KIAA0753: variants seen among roughly 807,000 people sequenced by gnomAD.
The protein encoded by KIAA0753 is KIAA0753, also known as protein moonraker.
KIAA0753 carries 114 observed loss-of-function variants against 116.9 expected under a neutral mutation model. The observed-to-expected ratio is 0.98, with a 90% CI of 0.84 to 1.14. The LOEUF is 1.14. KIAA0753 is among the 50% of genes most tolerant of loss of function. KIAA0753 has a pLI of 0.00. For synonymous variants in KIAA0753, 405 were observed against 413.1 expected (o/e 0.98, Z 0.24); for missense variants, 1,156 against 1,172.4 (o/e 0.99, Z 0.20).
intron 18 of KIAA0753, among the ~76,000 whole-genome samples, chr17:6,580,564 C>T (rs576694800): frequency 5.5e-4 from 83 of 152,198 alleles, no homozygotes; most frequent in African/African-American, 1.9e-3. Flanking sequence ...GATCCGCCTG[C>T]CTTGGCCTCC....
chr17:6,624,538 A>C (rs1444547446), intron 4 of KIAA0753, among the ~76,000 whole-genome samples: 1 of 132,442 alleles, frequency 7.6e-6, no homozygotes, highest in Non-Finnish European at 1.7e-5. Context: ...GTTTGGCGCC[A>C]CACACACACA....
intron 7 of KIAA0753, among the ~76,000 whole-genome samples, chr17:6,619,669 C>T (rs1447011540): frequency 6.6e-6 from 1 of 152,192 alleles, no homozygotes; most frequent in Non-Finnish European, 1.5e-5. Context: ...TCAAGCAATA[C>T]ACCTGCCTTG....
At chr17:6,580,751 G>A (rs1247637818) in intron 18 of KIAA0753, among the ~76,000 whole-genome samples, 1 of 152,126 alleles carries the variant, frequency 6.6e-6, no homozygotes, top group African/African-American at 2.4e-5. Context: ...TCCTCAATGT[G>A]TTTGAAACCA....
At chr17:6,638,995 C>G (rs1367645766) in intron 1 of KIAA0753, 1 of 153,136 alleles carries the variant, frequency 6.5e-6, no homozygotes, top group East Asian at 1.9e-4. Context: ...TGTCTCCACC[C>G]ACACAGGCTG....
rs553430387 is a variant in KIAA0753 at position 6,624,371 on chromosome 17, T to C, written c.825+384A>G. On this transcript the variant is annotated intron_variant, in intron 4 of 18. Transcript: ENST00000361413. ...CCCTTTCCTCTAAGACTGGGGTCCA[T>C]AGCTAGGACCAAGGGTTCAGGGTAA... 3.9e-5 allele frequency among the ~76,000 whole-genome samples: 6 copies of C among 152,218 alleles called. No individual in the cohort carries two copies. The South Asian group carries it at 1.2e-3, about 32-fold the overall frequency.
Position 6,608,467 on chromosome 17 carries a change from G to A in KIAA0753, c.1713-3C>T, listed in dbSNP as rs1435382461. 5 of 1,455,964 alleles carry A rather than the reference G, an allele frequency of 3.4e-6. No individual in the cohort carries two copies. Among genetic ancestry groups the A allele is most frequent in the Non-Finnish European group, 4.6e-6 (5 of 1,077,826 alleles). 90.2% of individuals were successfully genotyped at this position (1,455,964 alleles called of 1,614,324 possible). On this transcript the variant is annotated splice_polypyrimidine_tract_variant and splice_region_variant and intron_variant, in intron 9 of 18. Coordinates refer to ENST00000361413, the MANE Select transcript of KIAA0753 (RefSeq NM_014804.3). Reference sequence around the variant, plus strand: ...TTTTCACCTTTAGCCATGCAGCACTGAAATAAATGGAAAAGCATACCTTTG... The same window carrying A: ...TTTTCACCTTTAGCCATGCAGCACTAAAATAAATGGAAAAGCATACCTTTG...
intron 7 of KIAA0753, 45 bp downstream of exon 7, chr17:6,620,743 T>C (rs753012992): frequency 1.3e-6 from 2 of 1,579,560 alleles, no homozygotes; most frequent in African/African-American, 2.7e-5. Context: ...CCCAGATAAT[T>C]GTAATGAATA....
chr17:6,626,727 G>A (rs1213487540), intron 3 of KIAA0753, among the ~76,000 whole-genome samples: 1 of 152,220 alleles, frequency 6.6e-6, no homozygotes, highest in African/African-American at 2.4e-5. Context: ...TGTTTCCATA[G>A]CAGTTTGCCG....
intron 14 of KIAA0753, among the ~76,000 whole-genome samples, chr17:6,598,150 C>T (rs1382126257): frequency 6.6e-6 from 1 of 152,122 alleles, no homozygotes; most frequent in African/African-American, 2.4e-5. Context: ...TTCATAATCA[C>T]TTCATTTTCC....
chr17:6,583,503 C>A (rs1341672266), intron 18 of KIAA0753, among the ~76,000 whole-genome samples: 1 of 152,072 alleles, frequency 6.6e-6, no homozygotes, highest in Non-Finnish European at 1.5e-5. Flanking sequence ...TTCTTACCTC[C>A]TCTATGTCCC....
chr17:6,596,382 T>G, intron 14 of KIAA0753, 39 bp from the exon 15 acceptor site: 5 of 1,267,180 alleles, frequency 3.9e-6, no homozygotes, highest in Admixed American at 2.0e-5. Flanking sequence ...AGGCATGGGG[T>G]GGATTAGGGG....
intron 15 of KIAA0753, among the ~76,000 whole-genome samples, chr17:6,595,872 C>T (rs192516841): frequency 2.0e-5 from 3 of 152,300 alleles, no homozygotes; most frequent in South Asian, 2.1e-4. Context: ...TCAGGGTCTT[C>T]GGAATTACAC....
intron 2 of KIAA0753, among the ~76,000 whole-genome samples, chr17:6,629,154 CTGA>C (rs1971869568): frequency 6.6e-6 from 1 of 152,240 alleles, no homozygotes; most frequent in Non-Finnish European, 1.5e-5. Flanking sequence ...TCCAAGCCAT[CTGA>C]TAGTACTTCT....
At chr17:6,580,074 TACTC>T (rs1197927200) in intron 18 of KIAA0753, among the ~76,000 whole-genome samples, 1 of 151,794 alleles carries the variant, frequency 6.6e-6, no homozygotes, top group African/African-American at 2.4e-5. Context: ...TAAACCCTGT[TACTC>T]AGGAGGCTGA....
rs1299396313 is a variant in KIAA0753, at chr17:6,622,655, C to T, written c.1104+227G>A. ...TAATGAACCTGGTTTAAAGTTGTTA[C>T]ATGTTTTATATTCAAGTTACCAATT... On this transcript the variant is annotated intron_variant, in intron 6 of 18. Transcript: ENST00000361413. Among the ~76,000 whole-genome samples the T allele has an allele frequency of 4.6e-5, 7 of 152,226 alleles. No homozygotes were observed. The East Asian group carries it at 1.3e-3, about 29-fold the overall frequency.
chr17:6,600,506 C>T (rs1969794275), intron 12 of KIAA0753, 48 bp from the exon 13 acceptor site: 1 of 1,445,138 alleles, frequency 6.9e-7, no homozygotes. Flanking sequence ...AATAAAATAT[C>T]CTATTTTGCA....
intron 12 of KIAA0753, among the ~76,000 whole-genome samples, chr17:6,604,446 A>C (rs540546982): frequency 6.6e-6 from 1 of 152,238 alleles, no homozygotes; most frequent in South Asian, 2.1e-4. Flanking sequence ...CACACCATGA[A>C]TACTACTCAG....
At chr17:6,610,283 G>T in intron 8 of KIAA0753, 123 bp from the exon 9 acceptor site, 1 of 842,888 alleles carries the variant, frequency 1.2e-6, no homozygotes, top group South Asian at 2.0e-5. Flanking sequence ...TAAAACCTGA[G>T]TAGAAAGCAC....
Position 6,620,857 on chromosome 17 carries a change from G to T in KIAA0753, c.1246C>A (p.Pro416Thr). Residue 416 changes from proline (P) to threonine (T), a missense_variant, in exon 7 of 19, where the codon CCC (proline) becomes ACC (threonine). By Grantham distance (38) the Pro-to-Thr change is conservative (BLOSUM62 -1). Coordinates refer to ENST00000361413, the MANE Select transcript of KIAA0753 (RefSeq NM_014804.3). ...PSTSPKGERRPLTAKDTFPQE... is the reference protein window; with the variant it reads ...PSTSPKGERRTLTAKDTFPQE... ...GGGAATGTGTCCTTTGCTGTGAGGG[G>T]CCTCCTCTCACCCTTTGGTGATGTA... 2 of 1,614,172 alleles carry T rather than the reference G, an allele frequency of 1.2e-6. No homozygotes were observed. Among genetic ancestry groups the T allele is most frequent in the Non-Finnish European group, 1.7e-6 (2 of 1,180,012 alleles).
Sources: gnomAD v4.1 joint callset for allele counts (sites outside exome capture counted in the v4.1 genomes callset) on GRCh38, gnomAD v4.1.1 for gene constraint, MANE v1.5 for transcripts, NCBI Gene and HGNC (gene_info 2026-07-23, HGNC 2026-07-21) for gene names.